The following LRRC4C variants were observed in gnomAD, a reference collection of about 807,000 sequenced individuals.
LRRC4C encodes leucine rich repeat containing 4C, also known as leucine-rich repeat-containing protein 4C.
Under a neutral mutation model 33.6 loss-of-function variants are expected in LRRC4C, and 5 were observed. That is an observed-to-expected ratio of 0.15 (90% CI 0.08 to 0.31). The LOEUF (loss-of-function observed/expected upper bound fraction) is 0.31. LRRC4C is among the 10% of genes least tolerant of loss of function. The pLI, the probability that LRRC4C is intolerant of heterozygous loss-of-function variation, is 1.00. For missense variants in LRRC4C, 560 were observed against 796.7 expected, an observed-to-expected ratio of 0.70 and a Z score of 3.58; for synonymous variants, 329 against 302.0, an observed-to-expected ratio of 1.09 and a Z score of -0.93.
At chr11:41,086,747 C>G (rs1940018656) in intron 1 of LRRC4C, among the ~76,000 whole-genome samples, 1 of 151,990 alleles carries the variant, frequency 6.6e-6, no homozygotes, top group African/African-American at 2.4e-5. Context: ...ACTTCCATCC[C>G]CTCCAAAAGA....
At chr11:40,323,905 A>G (rs1312657273) in intron 3 of LRRC4C, among the ~76,000 whole-genome samples, 3 of 152,246 alleles carry the variant, frequency 2.0e-5, no homozygotes, top group African/African-American at 4.8e-5. Flanking sequence ...AAGGACAACT[A>G]TCTGAAGAAA....
Position 40,115,957 on chromosome 11 carries a change from G to T in LRRC4C, c.336C>A (p.Ile112=). 1 of 1,614,108 alleles carries T rather than the reference G, an allele frequency of 6.2e-7. No individual in the cohort carries two copies. Among genetic ancestry groups the T allele is most frequent in the Non-Finnish European group, 8.5e-7 (1 of 1,180,028 alleles). Residue 112 remains isoleucine, a synonymous_variant, in exon 7 of 7, where the codon ATC becomes ATA. Coordinates refer to ENST00000528697, the MANE Select transcript of LRRC4C (RefSeq NM_001258419.2). This position sits in a 1 kb window ranked among gnomAD's most constrained non-coding sequence, Gnocchi z 6.7. ...TGAAAGCCCCAATTTCAATGGTTCT[G>T]ATATGGTTCCTACTCAACTGTAGGA... ...LEILQLSRNH[I]RTIEIGAFNG... is the part of the protein sequence containing the mutation.
intron 2 of LRRC4C, among the ~76,000 whole-genome samples, chr11:40,856,449 T>C (rs1953787324): frequency 1.3e-5 from 2 of 152,228 alleles, no homozygotes; most frequent in Non-Finnish European, 1.5e-5. Flanking sequence ...TTTCCTATGT[T>C]CAGAAGAAAC....
intron 5 of LRRC4C, among the ~76,000 whole-genome samples, chr11:40,155,354 A>C (rs562469182): frequency 6.6e-6 from 1 of 152,270 alleles, no homozygotes; most frequent in South Asian, 2.1e-4. Context: ...GGAAAAACCA[A>C]GATGAGAGCA....
At chr11:40,236,179 C>T (rs778890469) in intron 5 of LRRC4C, among the ~76,000 whole-genome samples, 5 of 151,828 alleles carry the variant, frequency 3.3e-5, no homozygotes, top group African/African-American at 4.8e-5. Flanking sequence ...ATATTTTGAC[C>T]TCTAATATTT....
intron 1 of LRRC4C, among the ~76,000 whole-genome samples, chr11:41,139,676 G>T (rs546294756): frequency 6.6e-6 from 1 of 150,842 alleles, no homozygotes; most frequent in Non-Finnish European, 1.5e-5. Context: ...AATGCTGTGG[G>T]TCAGAGTGAA....
intron 5 of LRRC4C, among the ~76,000 whole-genome samples, chr11:40,158,829 T>C (rs919106908): frequency 4.6e-5 from 7 of 152,206 alleles, no homozygotes; most frequent in African/African-American, 1.4e-4. Flanking sequence ...TGAATGCTAC[T>C]GTCTTCATCA....
chr11:41,334,107 G>A (rs2137400027), intron 1 of LRRC4C, among the ~76,000 whole-genome samples: 1 of 152,278 alleles, frequency 6.6e-6, no homozygotes, highest in East Asian at 1.9e-4. Context: ...ATCGTAAGAG[G>A]CGTGGAATAG....
At chr11:40,777,713 A>C (rs11036074) in intron 2 of LRRC4C, among the ~76,000 whole-genome samples, 36,905 of 150,166 alleles carry the variant, frequency 0.25, 4,662 homozygotes, top group Non-Finnish European at 0.27. Context: ...TTTGAGATGG[A>C]GTCTTTCTCT....
intron 4 of LRRC4C, among the ~76,000 whole-genome samples, chr11:40,243,795 T>C (rs556988309): frequency 5.9e-4 from 89 of 151,154 alleles, no homozygotes; most frequent in Non-Finnish European, 1.0e-3. Flanking sequence ...CTTCAAGTGA[T>C]TCTCCTGCCT....
chr11:40,398,297 T>C (rs1191454939), intron 3 of LRRC4C, among the ~76,000 whole-genome samples: 1 of 152,056 alleles, frequency 6.6e-6, no homozygotes, highest in Non-Finnish European at 1.5e-5. Flanking sequence ...ATAAATTTAC[T>C]ATTTCCTTAT....
chr11:40,885,444 G>A (rs1257827320), intron 2 of LRRC4C, among the ~76,000 whole-genome samples: 2 of 152,048 alleles, frequency 1.3e-5, no homozygotes, highest in Non-Finnish European at 2.9e-5. Context: ...GCCATCCATA[G>A]CATCAAAGGT....
At chr11:40,347,033 T>C (rs1430091185) in intron 3 of LRRC4C, among the ~76,000 whole-genome samples, 2 of 152,206 alleles carry the variant, frequency 1.3e-5, no homozygotes, top group African/African-American at 4.8e-5. Context: ...AGAGTCAGCC[T>C]GTTCTTTGAA....
chr11:40,450,813 C>T (rs1190231070), intron 3 of LRRC4C, among the ~76,000 whole-genome samples: 4 of 149,744 alleles, frequency 2.7e-5, no homozygotes, highest in Non-Finnish European at 5.9e-5. Context: ...ATAAAGTATG[C>T]TCTCTAAGCC....
intron 1 of LRRC4C, among the ~76,000 whole-genome samples, chr11:41,048,410 A>G (rs1857954399): frequency 6.6e-6 from 1 of 151,750 alleles, no homozygotes; most frequent in Non-Finnish European, 1.5e-5. Context: ...GATTGCAGGC[A>G]CGCACTACCA....
chr11:41,398,115 C>G (rs370037394), intron 1 of LRRC4C, among the ~76,000 whole-genome samples: 1 of 151,844 alleles, frequency 6.6e-6, no homozygotes, highest in Non-Finnish European at 1.5e-5. Flanking sequence ...AATACAAGAC[C>G]TTGGGAATTA....
chr11:41,095,385 C>G (rs1287364576), intron 1 of LRRC4C, among the ~76,000 whole-genome samples: 1 of 152,120 alleles, frequency 6.6e-6, no homozygotes, highest in Non-Finnish European at 1.5e-5. Flanking sequence ...GACACAGAGT[C>G]AAACTGTATT....
intron 1 of LRRC4C, among the ~76,000 whole-genome samples, chr11:41,320,783 A>G (rs1251010481): frequency 2.0e-5 from 3 of 152,118 alleles, no homozygotes; most frequent in Non-Finnish European, 2.9e-5. Flanking sequence ...TCTGCTCAGG[A>G]GCTCACACTC....
At chr11:41,441,110 G>A (rs781512815) in intron 1 of LRRC4C, among the ~76,000 whole-genome samples, 1 of 152,132 alleles carries the variant, frequency 6.6e-6, no homozygotes, top group Non-Finnish European at 1.5e-5. Flanking sequence ...CTAAAGAAAT[G>A]CAACACTGGA....
Sources: gnomAD v4.1 joint callset for allele counts (sites outside exome capture counted in the v4.1 genomes callset) on GRCh38, gnomAD v4.1.1 for gene constraint, Gnocchi (gnomAD v3.1) non-coding constraint, MANE v1.5 for transcripts, NCBI Gene and HGNC (gene_info 2026-07-23, HGNC 2026-07-21) for gene names.